Variants in WWOX observed in about 807,000 individuals in gnomAD.
WWOX encodes WW domain-containing oxidoreductase.
A neutral mutation model predicts 46.2 loss-of-function variants in WWOX; 69 were observed. The observed-to-expected ratio is 1.49, with a 90% CI of 1.23 to 1.82. The LOEUF is 1.82. Ranked by LOEUF, WWOX falls within the 40% of genes most tolerant of loss-of-function variation. WWOX has a pLI of 0.00. For missense variants in WWOX, 919 were observed against 542.6 expected (o/e 1.69, Z -6.89); for synonymous variants, 359 against 202.6 (o/e 1.77, Z -6.56).
At chr16:79,160,146 G>A (rs144201755) in intron 8 of WWOX, among the ~76,000 whole-genome samples, 1 of 152,200 alleles carries the variant, frequency 6.6e-6, no homozygotes, top group African/African-American at 2.4e-5. Flanking sequence ...TGGGTGCCAC[G>A]TGAGGCCGAG....
rs1450391213 is a variant in WWOX at position 78,432,705 on chromosome 16, G to C, written c.1009G>C (p.Val337Leu). 6.2e-7 allele frequency: 1 copy of C among 1,614,198 alleles called. No homozygotes were observed. Among genetic ancestry groups the C allele is most frequent in the Non-Finnish European group, 8.5e-7 (1 of 1,180,044 alleles). ...CTCCAACATTCATCGCAGCTGGTGG[G>C]TGTACACACTGCTGTTTACCTTGGC... ...MYSNIHRSWW[V>L]YTLLFTLARP... The change falls in exon 8 of 9, where the codon GTG (valine) becomes CTG (leucine). Residue 337 changes from valine (V) to leucine (L), a missense_variant. Coordinates refer to ENST00000566780, the MANE Select transcript of WWOX (RefSeq NM_016373.4).
intron 4 of WWOX, among the ~76,000 whole-genome samples, chr16:78,152,580 C>T (rs370495897): frequency 6.6e-6 from 1 of 152,132 alleles, no homozygotes; most frequent in African/African-American, 2.4e-5. Context: ...ATGTAGTTAC[C>T]CTTGTAGAAT....
chr16:78,195,398 T>C (rs1218474030), intron 5 of WWOX, among the ~76,000 whole-genome samples: 1 of 152,124 alleles, frequency 6.6e-6, no homozygotes, highest in African/African-American at 2.4e-5. Context: ...TACTGGTTAG[T>C]GGGTGATGAT....
chr16:78,279,955 A>T (rs1450361630), intron 5 of WWOX, among the ~76,000 whole-genome samples: 1 of 152,240 alleles, frequency 6.6e-6, no homozygotes, highest in East Asian at 1.9e-4. Flanking sequence ...TATGGAAAAC[A>T]GGAAACCACA....
intron 8 of WWOX, among the ~76,000 whole-genome samples, chr16:79,141,831 G>A (rs182320959): frequency 5.9e-5 from 9 of 152,196 alleles, no homozygotes; most frequent in African/African-American, 2.2e-4. Flanking sequence ...GAAGGAAGCA[G>A]TGTCCATTAG....
rs1023428359 is a variant in WWOX at position 78,427,615 on chromosome 16, T to G, written c.791+2560T>G. Among the ~76,000 whole-genome samples the G allele has an allele frequency of 1.1e-4, 17 of 151,858 alleles. 1 individual carries two copies. Among genetic ancestry groups the G allele is most frequent in the Non-Finnish European group, 2.2e-4 (15 of 67,982 alleles). ...AGCCTAATTATTTTAGGCGGGAATT[T>G]TAAAAATCCTCAATAAAATTGGGCT... On this transcript the variant is annotated intron_variant, in intron 7 of 8. Transcript: ENST00000566780.
chr16:78,988,649 C>G (rs902804499), intron 8 of WWOX, among the ~76,000 whole-genome samples: 1 of 152,186 alleles, frequency 6.6e-6, no homozygotes, highest in African/African-American at 2.4e-5. Flanking sequence ...CTGATGTGTT[C>G]ATATTGGTCA....
intron 8 of WWOX, among the ~76,000 whole-genome samples, chr16:78,561,552 C>T (rs796855662): frequency 6.6e-6 from 1 of 151,498 alleles, no homozygotes; most frequent in Non-Finnish European, 1.5e-5. Context: ...ATCCGGGAGG[C>T]CAATTTAGAA....
At chr16:78,459,536 CTG>C (rs2083902794) in intron 8 of WWOX, among the ~76,000 whole-genome samples, 1 of 152,138 alleles carries the variant, frequency 6.6e-6, no homozygotes, top group African/African-American at 2.4e-5. Context: ...TCCTTAAACT[CTG>C]TGCACATGAA....
rs147746897 is a variant in WWOX at position 78,374,203 on chromosome 16, C to T, written c.517-12657C>T. 4.8e-3 allele frequency among the ~76,000 whole-genome samples: 737 copies of T among 152,302 alleles called. 11 individuals are homozygous for T. Among genetic ancestry groups the T allele is most frequent in the African/African-American group, 0.017 (705 of 41,556 alleles). On this transcript the variant is annotated intron_variant, in intron 5 of 8. Transcript: ENST00000566780. ...GATTCTTTCCTCCCTTTCTTCCTTT[C>T]TGTCTTTCTCTGTTTTCCTCTCTCC...
chr16:79,205,565 A>G (rs1319107341), intron 8 of WWOX: 1 of 152,110 alleles, frequency 6.6e-6, no homozygotes, highest in Non-Finnish European at 1.5e-5. Context: ...GAAAACAAAT[A>G]TTTGCTTTCC....
At chr16:78,208,175 G>C (rs995775265) in intron 5 of WWOX, among the ~76,000 whole-genome samples, 5 of 152,184 alleles carry the variant, frequency 3.3e-5, no homozygotes, top group African/African-American at 1.2e-4. Flanking sequence ...GTGGAGCTCA[G>C]AGTAAGCTTG....
intron 8 of WWOX, among the ~76,000 whole-genome samples, chr16:79,176,068 G>A (rs1385442446): frequency 6.6e-6 from 1 of 152,206 alleles, no homozygotes; most frequent in Non-Finnish European, 1.5e-5. Context: ...TAGAGCAGCT[G>A]TTACAGTTTG....
intron 8 of WWOX, among the ~76,000 whole-genome samples, chr16:78,928,243 C>T (rs1259771165): frequency 6.7e-6 from 1 of 149,062 alleles, no homozygotes; most frequent in African/African-American, 2.5e-5. Flanking sequence ...CGCTCTGTCG[C>T]CCAGGCTGGA....
intron 8 of WWOX, among the ~76,000 whole-genome samples, chr16:79,171,939 C>T (rs915327326): frequency 3.9e-5 from 6 of 152,116 alleles, no homozygotes; most frequent in South Asian, 2.1e-4. Context: ...TCCTGCATTT[C>T]GATATACGCA....
intron 8 of WWOX, among the ~76,000 whole-genome samples, chr16:78,653,703 G>C (rs916550737): frequency 2.0e-5 from 3 of 152,226 alleles, no homozygotes; most frequent in African/African-American, 4.8e-5. Context: ...TGGCATTTTA[G>C]AGCCACTGAT....
At chr16:79,021,515 T>C (rs2047532810) in intron 8 of WWOX, among the ~76,000 whole-genome samples, 1 of 152,214 alleles carries the variant, frequency 6.6e-6, no homozygotes, top group South Asian at 2.1e-4. Context: ...ATGTTCTTCC[T>C]TCTTAACCCA....
chr16:78,478,710 C>G (rs2084414345), intron 8 of WWOX, among the ~76,000 whole-genome samples: 2 of 152,206 alleles, frequency 1.3e-5, no homozygotes, highest in Admixed American at 6.5e-5. Context: ...TCCAAAGGTG[C>G]TTAATTTCCT....
intron 8 of WWOX, among the ~76,000 whole-genome samples, chr16:78,844,122 G>A (rs1232668704): frequency 1.3e-5 from 2 of 152,156 alleles, no homozygotes; most frequent in South Asian, 4.1e-4. Context: ...GACCGATACT[G>A]TGGTTGAAAT....
Sources: gnomAD v4.1 joint callset for allele counts (sites outside exome capture counted in the v4.1 genomes callset) on GRCh38, gnomAD v4.1.1 for gene constraint, MANE v1.5 for transcripts, NCBI Gene and HGNC (gene_info 2026-07-23, HGNC 2026-07-21) for gene names.